Variants in TYR observed in about 807,000 individuals in gnomAD.
TYR encodes the protein LB24-AB.
A neutral mutation model predicts 51.5 loss-of-function variants in TYR; 58 were observed. The observed-to-expected ratio is 1.13, with a 90% CI of 0.91 to 1.40. The LOEUF (loss-of-function observed/expected upper bound fraction) is 1.40, where lower values mean the gene tolerates loss of function less well. TYR is among the 40% of genes most tolerant of loss of function. The pLI is 0.00. For synonymous variants in TYR, 263 were observed against 235.2 expected (o/e 1.12, Z -1.08); for missense variants, 732 against 647.4 (o/e 1.13, Z -1.42).
intron 2 of TYR, among the ~76,000 whole-genome samples, chr11:89,199,892 A>G (rs946230184): frequency 3.9e-5 from 6 of 152,206 alleles, no homozygotes; most frequent in African/African-American, 1.4e-4. Flanking sequence ...CAAGAATTCA[A>G]TTGAGGGTCC....
intron 3 of TYR, 58 bp downstream of exon 3, chr11:89,228,028 A>G (rs1943999904): frequency 1.3e-6 from 2 of 1,585,138 alleles, no homozygotes; most frequent in Non-Finnish European, 1.7e-6. Context: ...GAGGGTGCCT[A>G]TCAAATGTGA....
intron 3 of TYR, among the ~76,000 whole-genome samples, chr11:89,230,943 C>T (rs1332786642): frequency 1.3e-5 from 2 of 150,220 alleles, no homozygotes; most frequent in African/African-American, 2.5e-5. Flanking sequence ...GAAGCCAAGG[C>T]GGGCAGATCA....
At chr11:89,220,145 A>T (rs1004062850) in intron 2 of TYR, among the ~76,000 whole-genome samples, 5 of 111,296 alleles carry the variant, frequency 4.5e-5, no homozygotes, top group African/African-American at 1.2e-4. Flanking sequence ...CTAGGTAATT[A>T]AAAAAAAAAT....
In TYR at chr11:89,178,108, G is replaced by A; in HGVS notation, c.155G>A (p.Arg52Lys). 6.2e-7 allele frequency: 1 copy of A among 1,614,196 alleles called. No individual in the cohort carries two copies. The highest frequency in any genetic ancestry group is 1.3e-5 in the African/African-American group (1 of 75,060). Reference protein sequence around the residue: ...DRSPCGQLSGRGSCQNILLSN... With the variant: ...DRSPCGQLSGKGSCQNILLSN... Reference sequence around the variant, plus strand: ...AGTCCCTGTGGCCAGCTTTCAGGCAGAGGTTCCTGTCAGAATATCCTTCTG... The same window carrying A: ...AGTCCCTGTGGCCAGCTTTCAGGCAAAGGTTCCTGTCAGAATATCCTTCTG... Residue 52 changes from arginine (R) to lysine (K), a missense_variant, in exon 1 of 5, where the codon AGA becomes AAA. Transcript: ENST00000263321.
At chr11:89,250,818 A>G (rs1944323645) in intron 3 of TYR, among the ~76,000 whole-genome samples, 1 of 151,944 alleles carries the variant, frequency 6.6e-6, no homozygotes, top group Admixed American at 6.6e-5. Context: ...TGGGATTAGG[A>G]CTTCAACATA....
At chr11:89,181,638 A>G (rs1339312856) in intron 1 of TYR, among the ~76,000 whole-genome samples, 1 of 152,132 alleles carries the variant, frequency 6.6e-6, no homozygotes, top group Non-Finnish European at 1.5e-5. Flanking sequence ...TGACCCCAAA[A>G]TTGAGATTTG....
At chr11:89,237,463 A>G (rs959323520) in intron 3 of TYR, among the ~76,000 whole-genome samples, 1 of 152,120 alleles carries the variant, frequency 6.6e-6, no homozygotes, top group Non-Finnish European at 1.5e-5. Context: ...GAGCCTATCC[A>G]TTGTGTATTT....
chr11:89,270,686 T>A (rs1365254135), intron 3 of TYR, among the ~76,000 whole-genome samples: 2 of 151,910 alleles, frequency 1.3e-5, no homozygotes, highest in Non-Finnish European at 2.9e-5. Context: ...ATTTGAATAA[T>A]TTAAAAAATT....
At chr11:89,257,484 C>T (rs866170511) in intron 3 of TYR, among the ~76,000 whole-genome samples, 6 of 150,646 alleles carry the variant, frequency 4.0e-5, no homozygotes, top group Middle Eastern at 6.8e-3. Flanking sequence ...ATATAAACTT[C>T]AAATTTTGTC....
At chr11:89,209,147 T>C (rs762717174) in intron 2 of TYR, among the ~76,000 whole-genome samples, 17 of 152,324 alleles carry the variant, frequency 1.1e-4, no homozygotes, top group Non-Finnish European at 1.2e-4. Flanking sequence ...TCACCTCATC[T>C]GGGAAGCACA....
chr11:89,278,929 C>T (rs1944688593), intron 3 of TYR, among the ~76,000 whole-genome samples: 1 of 151,644 alleles, frequency 6.6e-6, no homozygotes, highest in African/African-American at 2.4e-5. Context: ...AGGAGTACTG[C>T]TCAGGTATTT....
At chr11:89,280,922 G>A (rs754961531) in intron 3 of TYR, among the ~76,000 whole-genome samples, 75 of 151,610 alleles carry the variant, frequency 4.9e-4, no homozygotes, top group Non-Finnish European at 7.5e-4. Flanking sequence ...CTCTATTCTT[G>A]GTTTTGGGTT....
chr11:89,191,509 A>G, intron 2 of TYR, 91 bp downstream of exon 2: 1 of 1,322,908 alleles, frequency 7.6e-7, no homozygotes, highest in Admixed American at 1.8e-5. Context: ...GAGAATTCAG[A>G]ATTTTCTGAG....
intron 2 of TYR, among the ~76,000 whole-genome samples, chr11:89,218,609 C>G (rs1943866297): frequency 6.6e-6 from 1 of 152,068 alleles, no homozygotes; most frequent in South Asian, 2.1e-4. Flanking sequence ...ACAAAATAAC[C>G]TTACAAATTA....
chr11:89,218,786 CAA>C (rs1326191506), intron 2 of TYR, among the ~76,000 whole-genome samples: 1 of 152,030 alleles, frequency 6.6e-6, no homozygotes, highest in African/African-American at 2.4e-5. Flanking sequence ...ATAATTTATC[CAA>C]TTGACAATGT....
At chr11:89,267,037 T>C (rs1200053879) in intron 3 of TYR, among the ~76,000 whole-genome samples, 1 of 151,932 alleles carries the variant, frequency 6.6e-6, no homozygotes, top group Non-Finnish European at 1.5e-5. Flanking sequence ...AGTAGATATA[T>C]GATAAACTTT....
intron 2 of TYR, among the ~76,000 whole-genome samples, chr11:89,225,936 T>TTA (rs1943970121): frequency 6.6e-6 from 1 of 152,016 alleles, no homozygotes; most frequent in South Asian, 2.1e-4. Flanking sequence ...ACCTTGTACA[T>TTA]TATAGGCATC....
chr11:89,207,954 T>G (rs1236095130), intron 2 of TYR, among the ~76,000 whole-genome samples: 1 of 152,164 alleles, frequency 6.6e-6, no homozygotes, highest in Admixed American at 6.6e-5. Context: ...CTGCATATAA[T>G]TCTATAATTA....
chr11:89,216,342 A>G (rs1238208506), intron 2 of TYR, among the ~76,000 whole-genome samples: 1 of 152,122 alleles, frequency 6.6e-6, no homozygotes, highest in African/African-American at 2.4e-5. Flanking sequence ...CATTTCATGG[A>G]ATATTGTGGA....
Sources: allele counts gnomAD v4.1 joint callset (sites outside exome capture counted in the v4.1 genomes callset), GRCh38; gene constraint gnomAD v4.1.1; transcripts MANE v1.5; gene names NCBI Gene and HGNC (gene_info 2026-07-23, HGNC 2026-07-21).